Variants in RND3 observed in about 807,000 individuals in gnomAD.
RND3 encodes the protein Rho family GTPase 3, also known as rho-related GTP-binding protein RhoE.
Under a neutral mutation model 26.5 loss-of-function variants are expected in RND3, and 8 were observed. The ratio of observed to expected loss-of-function variants is 0.30; its 90% CI spans 0.18 to 0.54. The LOEUF (loss-of-function observed/expected upper bound fraction) is 0.54. Ranked by LOEUF, RND3 falls within the 20% of genes least tolerant of loss-of-function variation. RND3 has a pLI of 0.94. For synonymous variants in RND3, 113 were observed against 113.0 expected (o/e 1.00, Z 0.00); for missense variants, 207 against 302.8 (o/e 0.68, Z 2.35).
At chr2:150,475,377 T>C (rs900996387) in intron 3 of RND3, among the ~76,000 whole-genome samples, 2 of 152,132 alleles carry the variant, frequency 1.3e-5, no homozygotes, top group Admixed American at 1.3e-4. Context: ...TCTTCACTCA[T>C]AAAATGAAGA....
In RND3 at chr2:150,487,474, A is replaced by AAAAATATATATATATATATATATAT; in HGVS notation, c.-38-20_-38-19insATATATATATATATATATATATTTT. ...ATTTTCTCTTAAGAAGAAAAAAAAA[A>AAAAATATATATATATATATATATAT]ATATATATATATATATATATTTCTC... On this transcript the variant is annotated intron_variant, in intron 1 of 5. Transcript: ENST00000263895. 9.5e-5 allele frequency: 19 copies of AAAAATATATATATATATATATATAT among 200,780 alleles called. No homozygotes were observed. The highest frequency in any genetic ancestry group is 7.3e-4 in the East Asian group (6 of 8,240). The allele number at this position is 200,780 out of a possible 1,614,324, so 12.4% of individuals were successfully genotyped here. A position where few individuals can be genotyped will look rare whatever the true frequency, so the allele number is the denominator to read the frequency against.
At chr2:150,477,943 G>A (rs896241443) in intron 3 of RND3, among the ~76,000 whole-genome samples, 1 of 152,002 alleles carries the variant, frequency 6.6e-6, no homozygotes, top group Non-Finnish European at 1.5e-5. Context: ...AGTGTCCAAA[G>A]GTAATAGTAA....
chr2:150,486,820 G>C lies in RND3; in HGVS notation c.151-39C>G. ...ATGGGCAAAAGAGGAAGGAAAGAGGGCAAAGAGGTTACGTTTAAACGCACG... is the reference window on the plus strand; with the variant it reads ...ATGGGCAAAAGAGGAAGGAAAGAGGCCAAAGAGGTTACGTTTAAACGCACG... On this transcript the variant is annotated intron_variant, in intron 2 of 5. Transcript: ENST00000263895. The surrounding 1 kb of genome is among the most constrained non-coding windows in gnomAD (Gnocchi z 4.5). 7.1e-6 allele frequency: 10 copies of C among 1,400,006 alleles called. No individual in the cohort carries two copies. The highest frequency in any genetic ancestry group is 1.0e-5 in the Non-Finnish European group (10 of 984,862). 86.7% of individuals were successfully genotyped at this position (1,400,006 alleles called of 1,614,324 possible). A position where few individuals can be genotyped will look rare whatever the true frequency, so the allele number is the denominator to read the frequency against.
intron 3 of RND3, among the ~76,000 whole-genome samples, chr2:150,479,078 A>T (rs1686228900): frequency 6.6e-6 from 1 of 152,154 alleles, no homozygotes; most frequent in Non-Finnish European, 1.5e-5. Flanking sequence ...CTGGGGGTAG[A>T]TTGGAACAAG....
In RND3 at chr2:150,482,160, G is replaced by A. The variant is rs577588855; in HGVS notation, c.238+4534C>T. ...TTGTGGGGAATTTAGCAGCTGAATT[G>A]AATATGTTAAAAGTAATAATAAGCC... On this transcript the variant is annotated intron_variant, in intron 3 of 5. Coordinates refer to ENST00000263895, the MANE Select transcript of RND3 (RefSeq NM_005168.5). 1.4e-4 allele frequency among the ~76,000 whole-genome samples: 22 copies of A among 152,298 alleles called. No homozygotes were observed. In the East Asian group the frequency reaches 3.9e-3, roughly 27 times the overall value.
At chr2:150,484,802 G>A (rs769442372) in intron 3 of RND3, among the ~76,000 whole-genome samples, 1 of 152,156 alleles carries the variant, frequency 6.6e-6, no homozygotes, top group Non-Finnish European at 1.5e-5. Flanking sequence ...ATGGTAACCA[G>A]GAGCTAAGAT....
At chr2:150,478,202 A>C (rs1159272711) in intron 3 of RND3, among the ~76,000 whole-genome samples, 1 of 151,930 alleles carries the variant, frequency 6.6e-6, no homozygotes, top group Non-Finnish European at 1.5e-5. Context: ...AAAAAAAAAA[A>C]CAAAGCAAAA....
intron 4 of RND3, among the ~76,000 whole-genome samples, chr2:150,472,807 T>C (rs918746920): frequency 2.6e-5 from 4 of 152,260 alleles, no homozygotes; most frequent in Admixed American, 1.3e-4. Context: ...GATGAAGTCA[T>C]GTATTAAGTA....
intron 3 of RND3, among the ~76,000 whole-genome samples, chr2:150,484,656 A>T (rs1036317412): frequency 6.6e-6 from 1 of 152,074 alleles, no homozygotes; most frequent in African/African-American, 2.4e-5. Context: ...AAACAAAAAG[A>T]CCTGCCTGTC....
At chr2:150,481,675 T>A (rs200827541) in intron 3 of RND3, among the ~76,000 whole-genome samples, 1 of 152,116 alleles carries the variant, frequency 6.6e-6, no homozygotes, top group East Asian at 1.9e-4. Flanking sequence ...ACTGGTTTTA[T>A]AATCATTTTT....
chr2:150,486,874 G>A lies in RND3; in HGVS notation c.151-93C>T. The A allele has an allele frequency of 1.1e-6, 1 of 888,870 alleles. No homozygotes were observed. Among genetic ancestry groups the A allele is most frequent in the Non-Finnish European group, 1.9e-6 (1 of 521,616 alleles). 55.1% of individuals were successfully genotyped at this position (888,870 alleles called of 1,614,324 possible). A position where few individuals can be genotyped will look rare whatever the true frequency, so the allele number is the denominator to read the frequency against. Reference sequence around the variant, plus strand: ...CCCATTGAACACCCTTCCCCTCCCCGCTCCCCAGTTAAGAAAGAAAACCTT... The same window carrying A: ...CCCATTGAACACCCTTCCCCTCCCCACTCCCCAGTTAAGAAAGAAAACCTT... On this transcript the variant is annotated intron_variant, in intron 2 of 5. Transcript: ENST00000263895. The surrounding 1 kb of genome is among the most constrained non-coding windows in gnomAD (Gnocchi z 4.5).
At chr2:150,477,190 A>C (rs1467746080) in intron 3 of RND3, among the ~76,000 whole-genome samples, 1 of 152,122 alleles carries the variant, frequency 6.6e-6, no homozygotes, top group Non-Finnish European at 1.5e-5. Context: ...CACTCACATT[A>C]GGAAAAACCA....
At position 150,470,136 on chromosome 2, in the gene RND3, C is replaced by A; in HGVS notation, c.586G>T (p.Ala196Ser). 6.2e-7 allele frequency: 1 copy of A among 1,613,974 alleles called. No homozygotes were observed. Among genetic ancestry groups the A allele is most frequent in the Non-Finnish European group, 8.5e-7 (1 of 1,179,956 alleles). Reference protein sequence around the residue: ...VRDIFHVATLACVNKTNKNVK... With the variant: ...VRDIFHVATLSCVNKTNKNVK... ...TTTTTATTTGTCTTATTTACACATG[C>A]CAAGGTGGCAACGTGAAAAATGTCT... Residue 196 changes from alanine to serine, a missense_variant, in exon 6 of 6, where the codon GCA (alanine) becomes TCA (serine). Ala to Ser is a moderately conservative substitution (Grantham distance 99). Transcript: ENST00000263895.
At chr2:150,482,994 C>T (rs922532096) in intron 3 of RND3, among the ~76,000 whole-genome samples, 2 of 152,064 alleles carry the variant, frequency 1.3e-5, no homozygotes, top group East Asian at 3.9e-4. Context: ...TCTCTAAGGT[C>T]TTGACAGAGG....
intron 4 of RND3, among the ~76,000 whole-genome samples, chr2:150,474,288 G>A (rs1686131011): frequency 6.6e-6 from 1 of 152,160 alleles, no homozygotes; most frequent in African/African-American, 2.4e-5. Context: ...CATAAACTAT[G>A]TGTACATTAT....
chr2:150,468,691 G>A lies in RND3; in HGVS notation c.*1296C>T, dbSNP rs1464083289. On this transcript the variant is annotated 3_prime_UTR_variant, in exon 6 of 6. Transcript: ENST00000263895. ...TCTTCTCTGAAAGAATCTCTAAAAG[G>A]AACTGGTCAAAAATATCTGTAAACT... 1 of 152,568 alleles carries A rather than the reference G, an allele frequency of 6.6e-6. No individual in the cohort carries two copies. The highest frequency in any genetic ancestry group is 1.5e-5 in the Non-Finnish European group (1 of 68,026). 9.5% of individuals were successfully genotyped at this position (152,568 alleles called of 1,614,324 possible).
At chr2:150,482,020 T>G (rs1290478527) in intron 3 of RND3, among the ~76,000 whole-genome samples, 1 of 152,232 alleles carries the variant, frequency 6.6e-6, no homozygotes, top group Non-Finnish European at 1.5e-5. Flanking sequence ...CCACCTTAAG[T>G]GTTAGTAATG....
At chr2:150,478,670 G>GC (rs901886512) in intron 3 of RND3, among the ~76,000 whole-genome samples, 2 of 150,704 alleles carry the variant, frequency 1.3e-5, no homozygotes, top group Admixed American at 1.3e-4. Context: ...ACTAAACACA[G>GC]CACAAGCAGG....
chr2:150,485,679 T>A (rs891941875), intron 3 of RND3, among the ~76,000 whole-genome samples: 7 of 151,856 alleles, frequency 4.6e-5, no homozygotes, highest in African/African-American at 1.7e-4. Flanking sequence ...GGGCGGCGGG[T>A]GCCTATGTCC....
Sources: gnomAD v4.1 joint callset for allele counts (sites outside exome capture counted in the v4.1 genomes callset) on GRCh38, gnomAD v4.1.1 for gene constraint, Gnocchi (gnomAD v3.1) non-coding constraint, MANE v1.5 for transcripts, NCBI Gene and HGNC (gene_info 2026-07-23, HGNC 2026-07-21) for gene names.